Variants in DMD observed in about 807,000 individuals in gnomAD.
DMD encodes the protein mutant dystrophin.
In DMD, 63 loss-of-function variants were observed where a neutral mutation model predicts 330.1. The observed-to-expected ratio is 0.19, with a 90% CI of 0.16 to 0.24. The LOEUF is 0.24. Ranked by LOEUF, DMD falls within the 10% of genes least tolerant of loss-of-function variation. The pLI is 1.00. For missense variants in DMD, 3,344 were observed against 2,684.1 expected (o/e 1.25, Z -5.43); for synonymous variants, 1,223 against 959.8 (o/e 1.27, Z -5.07).
At chrX:31,871,611 G>A (rs2093890818) in intron 48 of DMD, among the ~76,000 whole-genome samples, 1 of 110,744 alleles carries the variant, frequency 9.0e-6, no homozygotes, top group Non-Finnish European at 1.9e-5. Flanking sequence ...GACAAGGCAA[G>A]TTTCTTTACA....
intron 71 of DMD, among the ~76,000 whole-genome samples, chrX:31,175,398 C>A (rs750095937): frequency 9.0e-6 from 1 of 110,728 alleles, no homozygotes; most frequent in Non-Finnish European, 1.9e-5. Context: ...TAATTCTTTG[C>A]CTCAAGGATA....
intron 62 of DMD, among the ~76,000 whole-genome samples, chrX:31,313,639 TG>T (rs1438751410): frequency 9.0e-6 from 1 of 110,614 alleles, no homozygotes; most frequent in African/African-American, 3.3e-5. Flanking sequence ...TAGTGCACCT[TG>T]TACCCATTAA....
intron 55 of DMD, among the ~76,000 whole-genome samples, chrX:31,591,096 CTAAT>C (rs1439407892): frequency 1.6e-4 from 18 of 111,831 alleles, no homozygotes; most frequent in Non-Finnish European, 2.5e-4. Context: ...CGGAAAAAAT[CTAAT>C]TAATAACTTT....
intron 12 of DMD, among the ~76,000 whole-genome samples, chrX:32,603,673 C>T (rs1377124692): frequency 9.0e-6 from 1 of 110,861 alleles, no homozygotes; most frequent in Non-Finnish European, 1.9e-5. Flanking sequence ...ATAGATGTGA[C>T]GTTACAACTG....
chrX:31,716,241 G>A (rs921968613), intron 52 of DMD, among the ~76,000 whole-genome samples: 25 of 112,239 alleles, frequency 2.2e-4, no homozygotes, highest in African/African-American at 8.1e-4. Context: ...TACTCGAATG[G>A]TGTTTATTTT....
At chrX:32,753,129 C>G (rs2071042931) in intron 7 of DMD, among the ~76,000 whole-genome samples, 1 of 111,211 alleles carries the variant, frequency 9.0e-6, no homozygotes, top group Non-Finnish European at 1.9e-5. Context: ...AAGCTAGTAC[C>G]CAGACTTCCA....
At chrX:31,604,472 C>T (rs1315957887) in intron 55 of DMD, among the ~76,000 whole-genome samples, 1 of 111,568 alleles carries the variant, frequency 9.0e-6, no homozygotes, top group African/African-American at 3.3e-5. Flanking sequence ...AGATTAGCAG[C>T]TACGGTCACA....
chrX:31,435,161 C>A (rs568088378), intron 60 of DMD, among the ~76,000 whole-genome samples: 1 of 111,619 alleles, frequency 9.0e-6, no homozygotes, highest in African/African-American at 3.3e-5. Flanking sequence ...GTACCTCCCT[C>A]ACTGGGTTAC....
chrX:31,127,136 A>G (rs990640473), intron 77 of DMD, among the ~76,000 whole-genome samples: 5 of 112,561 alleles, frequency 4.4e-5, no homozygotes, highest in African/African-American at 1.6e-4. Context: ...AGAACCCGAC[A>G]TAGAGGCTGG....
chrX:33,240,763 T>G (rs748039279), intron 1 of DMD, among the ~76,000 whole-genome samples: 12 of 112,157 alleles, frequency 1.1e-4, no homozygotes, highest in Non-Finnish European at 1.9e-4. Context: ...CTAACAGGTT[T>G]GAGTTGATAT....
At chrX:33,224,959 A>G (rs1186809651) in intron 1 of DMD, among the ~76,000 whole-genome samples, 2 of 111,635 alleles carry the variant, frequency 1.8e-5, no homozygotes, top group Non-Finnish European at 3.8e-5. Context: ...AATATAGTAT[A>G]TTTTACTATG....
intron 67 of DMD, among the ~76,000 whole-genome samples, chrX:31,198,115 T>C (rs1377163985): frequency 9.4e-6 from 1 of 106,142 alleles, no homozygotes; most frequent in Non-Finnish European, 1.9e-5. Context: ...GATCGGGGGA[T>C]AAAAAAGGGA....
At chrX:33,167,066 T>C (rs939896505) in intron 1 of DMD, among the ~76,000 whole-genome samples, 2 of 111,197 alleles carry the variant, frequency 1.8e-5, no homozygotes, top group Admixed American at 9.7e-5. Context: ...AAATTGTCCC[T>C]GCTCTCCTAT....
At chrX:31,545,635 G>A (rs1338650026) in intron 55 of DMD, among the ~76,000 whole-genome samples, 1 of 112,280 alleles carries the variant, frequency 8.9e-6, no homozygotes, top group East Asian at 2.8e-4. Context: ...ATGGGCATTT[G>A]TGATTTCTAA....
At chrX:32,635,189 C>A (rs778798187) in intron 11 of DMD, among the ~76,000 whole-genome samples, 1 of 111,807 alleles carries the variant, frequency 8.9e-6, no homozygotes, top group East Asian at 2.8e-4. Context: ...CATAGACTCT[C>A]TCTTCATGCC....
chrX:32,074,279 C>T (rs2096325371), intron 44 of DMD, among the ~76,000 whole-genome samples: 1 of 111,466 alleles, frequency 9.0e-6, no homozygotes, highest in Non-Finnish European at 1.9e-5. Flanking sequence ...AACCCTAGTG[C>T]ATGGGAACAA....
chrX:32,088,565 T>G (rs1257217834), intron 44 of DMD, among the ~76,000 whole-genome samples: 1 of 109,570 alleles, frequency 9.1e-6, no homozygotes, highest in Non-Finnish European at 1.9e-5. Context: ...TGGGCTTTCC[T>G]AAGTAGTTTC....
chrX:31,311,845 A>G (rs1011576100), intron 62 of DMD, among the ~76,000 whole-genome samples: 1 of 111,690 alleles, frequency 9.0e-6, no homozygotes, highest in African/African-American at 3.3e-5. Flanking sequence ...GACAAAAACA[A>G]GCAATGGGGA....
At chrX:31,456,700 G>C (rs1215514169) in intron 59 of DMD, among the ~76,000 whole-genome samples, 1 of 110,804 alleles carries the variant, frequency 9.0e-6, no homozygotes, top group African/African-American at 3.3e-5. Flanking sequence ...GGTGGGTCTT[G>C]AATGAGGTGG....
Sources: gnomAD v4.1 joint callset for allele counts (sites outside exome capture counted in the v4.1 genomes callset) on GRCh38, gnomAD v4.1.1 for gene constraint, MANE v1.5 for transcripts, NCBI Gene and HGNC (gene_info 2026-07-23, HGNC 2026-07-21) for gene names.